Variants in KLF8 observed in about 807,000 individuals in gnomAD.
The protein encoded by KLF8 is Krueppel-like factor 8.
A neutral mutation model predicts 18.2 loss-of-function variants in KLF8; 10 were observed. The ratio of observed to expected loss-of-function variants is 0.55; its 90% confidence interval spans 0.34 to 0.93. The LOEUF is 0.93. KLF8 is among the 40% of genes least tolerant of loss of function. The pLI is 0.02. For synonymous variants in KLF8, 109 were observed against 97.3 expected, an observed-to-expected ratio of 1.12 and a Z score of -0.71; for missense variants, 264 against 277.9, an observed-to-expected ratio of 0.95 and a Z score of 0.36.
At chrX:56,212,901 T>A in the KLF8 span, among the ~76,000 whole-genome samples, 3 of 111,801 alleles carry the variant, frequency 2.7e-5, no homozygotes, top group East Asian at 5.6e-4. Flanking sequence ...CATGAGTAGG[T>A]CTTTTGTTCT....
At chrX:56,135,652 T>C in the KLF8 span, among the ~76,000 whole-genome samples, 1 of 110,407 alleles carries the variant, frequency 9.1e-6, no homozygotes, top group Non-Finnish European at 1.9e-5. Context: ...TATACATATG[T>C]AACTAACCTG....
the KLF8 span, among the ~76,000 whole-genome samples, chrX:56,056,799 A>T: frequency 9.9e-6 from 1 of 101,388 alleles, no homozygotes; most frequent in Non-Finnish European, 2.0e-5. Context: ...TAAAGTATAT[A>T]TAAAAAAAAA....
the KLF8 span, among the ~76,000 whole-genome samples, chrX:55,984,489 G>A: frequency 1.7e-4 from 19 of 111,609 alleles, no homozygotes; most frequent in Non-Finnish European, 2.6e-4. Flanking sequence ...TGTACATGGT[G>A]TATATGTATC....
chrX:56,052,549 T>C, the KLF8 span, among the ~76,000 whole-genome samples: 1 of 111,891 alleles, frequency 8.9e-6, no homozygotes, highest in Non-Finnish European at 1.9e-5. Context: ...AGTGTGCCCC[T>C]GCTGGGGGGT....
At chrX:55,991,088 G>A in the KLF8 span, among the ~76,000 whole-genome samples, 1 of 112,188 alleles carries the variant, frequency 8.9e-6, no homozygotes, top group East Asian at 2.8e-4. Context: ...GCTATACCCT[G>A]CCCCCAGAGC....
the KLF8 span, among the ~76,000 whole-genome samples, chrX:56,105,546 T>C: frequency 7.3e-5 from 8 of 109,879 alleles, no homozygotes; most frequent in Middle Eastern, 9.3e-3. Context: ...TTTTTTTTTT[T>C]CTTTCCATTT....
chrX:56,102,895 TC>T, the KLF8 span, among the ~76,000 whole-genome samples: 4 of 74,751 alleles, frequency 5.4e-5, no homozygotes, highest in Admixed American at 1.6e-4. Flanking sequence ...ATGCTATCCC[TC>T]CCCCCTCCCC....
the KLF8 span, among the ~76,000 whole-genome samples, chrX:55,990,175 T>G: frequency 8.9e-6 from 1 of 112,267 alleles, no homozygotes; most frequent in Admixed American, 9.4e-5. Flanking sequence ...CATTGATTTT[T>G]TGAAGGGATT....
intron 1 of KLF8, among the ~76,000 whole-genome samples, chrX:56,248,176 G>A (rs753849969): frequency 3.6e-3 from 399 of 110,478 alleles, no homozygotes; most frequent in African/African-American, 0.012. Flanking sequence ...GGGGGAGAGC[G>A]GAGGGATAGC....
chrX:56,076,734 T>G, the KLF8 span, among the ~76,000 whole-genome samples: 167 of 111,956 alleles, frequency 1.5e-3, no homozygotes, highest in African/African-American at 5.4e-3. Context: ...CCACAATGGT[T>G]GAACTAGTTC....
At chrX:55,939,913 C>T in the KLF8 span, among the ~76,000 whole-genome samples, 14 of 111,637 alleles carry the variant, frequency 1.3e-4, no homozygotes, top group East Asian at 3.6e-3. Context: ...GAGTCCAGGA[C>T]CAGATGGATT....
chrX:55,961,578 G>T, the KLF8 span: 13 of 507,717 alleles, frequency 2.6e-5, no homozygotes, highest in Non-Finnish European at 4.4e-5. Flanking sequence ...AAAATGTCCA[G>T]TTATTCACTG....
At chrX:56,176,731 C>A in the KLF8 span, among the ~76,000 whole-genome samples, 3 of 111,768 alleles carry the variant, frequency 2.7e-5, no homozygotes, top group Non-Finnish European at 3.8e-5. Flanking sequence ...CTGTCACTTT[C>A]AAGTACACCA....
the KLF8 span, among the ~76,000 whole-genome samples, chrX:55,992,634 G>A: frequency 8.9e-6 from 1 of 112,144 alleles, no homozygotes; most frequent in Admixed American, 9.5e-5. Context: ...GTTCTGTAAA[G>A]AATGTCATTG....
chrX:56,282,712 C>T (rs1037476113), intron 5 of KLF8, among the ~76,000 whole-genome samples: 3 of 111,711 alleles, frequency 2.7e-5, no homozygotes, highest in Admixed American at 9.5e-5. Flanking sequence ...AATACCAATG[C>T]ATTTTTGTGT....
the KLF8 span, among the ~76,000 whole-genome samples, chrX:55,946,576 G>T: frequency 9.0e-6 from 1 of 111,626 alleles, no homozygotes; most frequent in African/African-American, 3.3e-5. Context: ...ATAGGCATGG[G>T]CAAGGACTTC....
the KLF8 span, among the ~76,000 whole-genome samples, chrX:55,925,885 A>G: frequency 8.9e-6 from 1 of 112,224 alleles, no homozygotes; most frequent in South Asian, 3.7e-4. Context: ...TTGTGGGTAC[A>G]TAGTAGGTGT....
chrX:56,249,536 G>T (rs1034110823), intron 1 of KLF8, among the ~76,000 whole-genome samples: 14 of 110,845 alleles, frequency 1.3e-4, no homozygotes, highest in African/African-American at 4.6e-4. Context: ...AAGCCTTAGG[G>T]TTCTGCAGAG....
At chrX:56,203,189 A>G in the KLF8 span, among the ~76,000 whole-genome samples, 1 of 112,253 alleles carries the variant, frequency 8.9e-6, no homozygotes, top group Non-Finnish European at 1.9e-5. Flanking sequence ...GATGTTGAGC[A>G]CCTTTTCATA....
Sources: gnomAD v4.1 joint callset for allele counts (sites outside exome capture counted in the v4.1 genomes callset) on GRCh38, gnomAD v4.1.1 for gene constraint, MANE v1.5 for transcripts, NCBI Gene and HGNC (gene_info 2026-07-23, HGNC 2026-07-21) for gene names.